DISC1: variants seen among roughly 807,000 people sequenced by gnomAD.
DISC1 encodes DISC1 scaffold protein.
In DISC1, 57 loss-of-function variants were observed where a neutral mutation model predicts 84.5. The observed-to-expected ratio is 0.67, with a 90% CI of 0.55 to 0.84. The LOEUF is 0.84. DISC1 is among the 40% of genes least tolerant of loss of function. The pLI is 0.00. For missense variants in DISC1, 1,000 were observed against 1,057.8 expected (o/e 0.95, Z 0.76); for synonymous variants, 411 against 415.2 (o/e 0.99, Z 0.12).
rs201598667 is a variant in DISC1 at position 232,009,197 on chromosome 1, T to C, written c.2307+148T>C. 2.2e-5 allele frequency: 31 copies of C among 1,437,072 alleles called. No individual in the cohort carries two copies. Among genetic ancestry groups the C allele is most frequent in the Non-Finnish European group, 2.6e-5 (28 of 1,095,236 alleles). 89.0% of individuals were successfully genotyped at this position (1,437,072 alleles called of 1,614,324 possible). Reference sequence around the variant, plus strand: ...AGTTTCAATAACTCTTGAATATGATTACAAAATAAAGTAGAATTTTTGTAG... The same window carrying C: ...AGTTTCAATAACTCTTGAATATGATCACAAAATAAAGTAGAATTTTTGTAG... On this transcript the variant is annotated intron_variant, in intron 11 of 12. Transcript: ENST00000439617. This position sits in a 1 kb window ranked among gnomAD's most constrained non-coding sequence, Gnocchi z 4.6.
chr1:231,986,732 G>A (rs1262061641), intron 10 of DISC1, among the ~76,000 whole-genome samples: 1 of 152,208 alleles, frequency 6.6e-6, no homozygotes. Flanking sequence ...ACAGCAAGGA[G>A]CCTGTCACTT....
At position 231,630,410 on chromosome 1, in the gene DISC1, G is replaced by A. The variant is rs1366110201; in HGVS notation, c.67+3476G>A. Among the ~76,000 whole-genome samples, 2 of 151,438 alleles carry A rather than the reference G, an allele frequency of 1.3e-5. No individual in the cohort carries two copies. Among genetic ancestry groups the A allele is most frequent in the East Asian group, 1.9e-4 (1 of 5,164 alleles). Reference sequence around the variant, plus strand: ...TTGAGCCTCAAGCAACTTCTGCCTCGACCTCCCAAAGTACCAGGATTACAG... The same window carrying A: ...TTGAGCCTCAAGCAACTTCTGCCTCAACCTCCCAAAGTACCAGGATTACAG... On this transcript the variant is annotated intron_variant, in intron 1 of 12. Coordinates refer to ENST00000439617, the MANE Select transcript of DISC1 (RefSeq NM_018662.3). The surrounding 1 kb of genome is among the most constrained non-coding windows in gnomAD (Gnocchi z 4.4).
chr1:231,689,235 C>T lies in DISC1; in HGVS notation c.68-4591C>T, dbSNP rs1007554443. Among the ~76,000 whole-genome samples, 41 of 152,262 alleles carry T rather than the reference C, an allele frequency of 2.7e-4. 1 individual carries two copies. The highest frequency in any genetic ancestry group is 9.1e-4 in the African/African-American group (38 of 41,548). ...CTCTTGCTATTTGGTGCATTCCCTG[C>T]AGCATTCTCGAGGTCCCAGCATTTT... On this transcript the variant is annotated intron_variant, in intron 1 of 12. Transcript: ENST00000439617.
intron 9 of DISC1, among the ~76,000 whole-genome samples, chr1:231,820,160 G>C (rs12135059): frequency 2.0e-5 from 3 of 151,926 alleles, no homozygotes; most frequent in Non-Finnish European, 4.4e-5. Context: ...TGATTTACAC[G>C]TGCTTAATTT....
chr1:231,752,791 A>C (rs1313033510), intron 4 of DISC1, among the ~76,000 whole-genome samples: 1 of 152,250 alleles, frequency 6.6e-6, no homozygotes, highest in Non-Finnish European at 1.5e-5. Context: ...GTTACTTCCA[A>C]GATATAGACA....
chr1:231,900,225 C>T (rs2088046725), intron 9 of DISC1, among the ~76,000 whole-genome samples: 1 of 152,120 alleles, frequency 6.6e-6, no homozygotes, highest in African/African-American at 2.4e-5. Context: ...CACTGAAGCT[C>T]CTAAAAAAAT....
chr1:231,898,174 C>G (rs2126020248), intron 9 of DISC1, among the ~76,000 whole-genome samples: 1 of 152,306 alleles, frequency 6.6e-6, no homozygotes, highest in Admixed American at 6.5e-5. Context: ...TAACCTTGAC[C>G]TCCAGCAAAT....
chr1:231,888,607 C>G (rs1450262097), intron 9 of DISC1, among the ~76,000 whole-genome samples: 1 of 151,840 alleles, frequency 6.6e-6, no homozygotes, highest in East Asian at 1.9e-4. Flanking sequence ...GGCATGGTGG[C>G]GGGCACCTGT....
chr1:231,785,866 C>T (rs906778085), intron 6 of DISC1, among the ~76,000 whole-genome samples: 7 of 152,156 alleles, frequency 4.6e-5, no homozygotes, highest in African/African-American at 1.2e-4. Context: ...GGAAGATGAG[C>T]GGACAACTGT....
intron 9 of DISC1, among the ~76,000 whole-genome samples, chr1:231,882,489 C>T (rs1315669255): frequency 6.6e-6 from 1 of 152,218 alleles, no homozygotes; most frequent in East Asian, 1.9e-4. Flanking sequence ...TTATTTCACA[C>T]TGCGCTTATT....
chr1:231,636,034 G>A (rs542340748), intron 1 of DISC1, among the ~76,000 whole-genome samples: 3 of 152,262 alleles, frequency 2.0e-5, no homozygotes, highest in East Asian at 3.9e-4. Context: ...AGTCTAGATG[G>A]ATGGATAGAT....
chr1:232,007,646 TG>T (rs1667623691), intron 10 of DISC1, among the ~76,000 whole-genome samples: 1 of 152,206 alleles, frequency 6.6e-6, no homozygotes, highest in Non-Finnish European at 1.5e-5. Flanking sequence ...AGACTTACTT[TG>T]TCTCAGATTA....
At chr1:231,720,967 A>G in intron 3 of DISC1, 1 of 1,290,934 alleles carries the variant, frequency 7.7e-7, no homozygotes, top group South Asian at 1.2e-5. Flanking sequence ...GAAGGGTTAC[A>G]TTTTCATTTG....
In DISC1 at chr1:231,762,844, A is replaced by C. The variant is rs190684364; in HGVS notation, c.1269-4296A>C. Among the ~76,000 whole-genome samples the C allele has an allele frequency of 9.2e-5, 14 of 152,200 alleles. No individual in the cohort carries two copies. The East Asian group carries it at 2.7e-3, about 29-fold the overall frequency. ...ATGCTCAGTGGTCATTTATCAAGTC[A>C]ATTTGTTCCCCATAGTTCGCTCCAT... On this transcript the variant is annotated intron_variant, in intron 4 of 12. Coordinates refer to ENST00000439617, the MANE Select transcript of DISC1 (RefSeq NM_018662.3).
chr1:231,740,885 T>C (rs1342289953), intron 3 of DISC1, among the ~76,000 whole-genome samples: 2 of 152,224 alleles, frequency 1.3e-5, no homozygotes, highest in Non-Finnish European at 2.9e-5. Flanking sequence ...TTTCTACTTA[T>C]GGCATCATGT....
At position 232,037,871 on chromosome 1, in the gene DISC1, A is replaced by G. The variant is rs1220891922; in HGVS notation, c.*1040A>G. ...TCAGTTAGGCAGTGCAGTACTCAGG[A>G]ATGCAGCACAGTACTCAGGCAGTGC... On this transcript the variant is annotated 3_prime_UTR_variant, in exon 13 of 13. Transcript: ENST00000439617. 6.6e-6 allele frequency: 1 copy of G among 152,404 alleles called. No homozygotes were observed. The highest frequency in any genetic ancestry group is 1.5e-5 in the Non-Finnish European group (1 of 68,358). 9.4% of individuals were successfully genotyped at this position (152,404 alleles called of 1,614,324 possible).
intron 1 of DISC1, among the ~76,000 whole-genome samples, chr1:231,641,085 C>T (rs914700108): frequency 3.3e-5 from 5 of 152,238 alleles, no homozygotes; most frequent in African/African-American, 1.2e-4. Context: ...AGGGTTGGAA[C>T]TGTCAAGGTT....
At chr1:231,999,590 C>T (rs1217866819) in intron 10 of DISC1, among the ~76,000 whole-genome samples, 2 of 152,132 alleles carry the variant, frequency 1.3e-5, no homozygotes, top group Admixed American at 1.3e-4. Flanking sequence ...GGGAAGTGTT[C>T]TCCTCTCCCC....
At chr1:231,928,171 C>G (rs550341954) in intron 9 of DISC1, among the ~76,000 whole-genome samples, 1 of 152,150 alleles carries the variant, frequency 6.6e-6, no homozygotes, top group Non-Finnish European at 1.5e-5. Flanking sequence ...TAGAAAAGGA[C>G]AAAGTATCAG....
Sources: allele counts gnomAD v4.1 joint callset (sites outside exome capture counted in the v4.1 genomes callset), GRCh38; gene constraint gnomAD v4.1.1; non-coding constraint Gnocchi (gnomAD v3.1); transcripts MANE v1.5; gene names NCBI Gene and HGNC (gene_info 2026-07-23, HGNC 2026-07-21).